Variants in ANKRD44 observed in about 807,000 individuals in gnomAD.
ANKRD44 encodes ankyrin repeat domain 44, also known as serine/threonine-protein phosphatase 6 regulatory ankyrin repeat subunit B.
ANKRD44 carries 35 observed loss-of-function variants against 116.0 expected under a neutral mutation model. The ratio of observed to expected loss-of-function variants is 0.30; its 90% CI spans 0.23 to 0.40. The LOEUF (loss-of-function observed/expected upper bound fraction) is 0.40, where lower values mean the gene tolerates loss of function less well. Ranked by LOEUF, ANKRD44 falls within the 10% of genes least tolerant of loss-of-function variation. The probability of loss-of-function intolerance (pLI) is 1.00; values close to 1 mark genes in which losing one functional copy is unlikely to be tolerated. For missense variants in ANKRD44, 1,014 were observed against 1,242.6 expected, an observed-to-expected ratio of 0.82 and a Z score of 2.77; for synonymous variants, 435 against 461.8, an observed-to-expected ratio of 0.94 and a Z score of 0.74.
intron 10 of ANKRD44, among the ~76,000 whole-genome samples, chr2:197,094,573 T>C (rs1464411497): frequency 1.3e-5 from 2 of 152,234 alleles, no homozygotes; most frequent in East Asian, 1.9e-4. Flanking sequence ...TCGGTTAACA[T>C]TTCTGTTATC....
chr2:197,281,779 A>G (rs2105831640), intron 1 of ANKRD44, among the ~76,000 whole-genome samples: 1 of 152,324 alleles, frequency 6.6e-6, no homozygotes, highest in South Asian at 2.1e-4. Flanking sequence ...ATCCTCCCAG[A>G]AATTTAAAAC....
At chr2:197,219,178 T>C (rs2081526766) in intron 1 of ANKRD44, among the ~76,000 whole-genome samples, 1 of 151,754 alleles carries the variant, frequency 6.6e-6, no homozygotes, top group African/African-American at 2.4e-5. Flanking sequence ...CAAGCGATTC[T>C]TCTGCCTCAG....
At chr2:197,268,597 C>T (rs954491705) in intron 1 of ANKRD44, among the ~76,000 whole-genome samples, 1 of 152,154 alleles carries the variant, frequency 6.6e-6, no homozygotes, top group African/African-American at 2.4e-5. Flanking sequence ...GACAGAGATG[C>T]GATTCACTCT....
intron 10 of ANKRD44, among the ~76,000 whole-genome samples, chr2:197,091,316 C>A (rs2078038343): frequency 6.6e-6 from 1 of 152,226 alleles, no homozygotes; most frequent in Admixed American, 6.5e-5. Flanking sequence ...TTTGCTCAGG[C>A]GTTCCTTCCA....
chr2:197,258,176 T>C (rs2697287), intron 1 of ANKRD44, among the ~76,000 whole-genome samples: 125,762 of 151,632 alleles, frequency 0.83, 52,287 homozygotes, highest in South Asian at 0.89. Context: ...GATCTTGGCT[T>C]CCTGCAACCA....
At chr2:197,248,255 T>G (rs761880165) in intron 1 of ANKRD44, among the ~76,000 whole-genome samples, 2 of 151,818 alleles carry the variant, frequency 1.3e-5, no homozygotes, top group African/African-American at 2.4e-5. Flanking sequence ...ATAAGGTCGG[T>G]GAGACTCATC....
intron 4 of ANKRD44, chr2:197,134,014 C>T (rs12471109): frequency 0.65 from 91,530 of 140,716 alleles, 32,383 homozygotes; most frequent in East Asian, 0.95. Context: ...AGTGCAATGG[C>T]GTGATCTTGG....
chr2:197,125,972 G>A lies in ANKRD44; in HGVS notation c.327C>T (p.Thr109=). The change falls in exon 5 of 28, where the codon ACC becomes ACT. Residue 109 remains threonine, a synonymous_variant. Coordinates refer to ENST00000282272, the MANE Select transcript of ANKRD44 (RefSeq NM_001195144.2). ...TGTTGGCTGCTGCCACATGAAGAGG[G>A]GTCTGCCAGTTCTTGTCCCTTGCAT... is the stretch of plus-strand genomic sequence containing the variant. The part of the protein sequence containing the change: ...DVNARDKNWQ[T]PLHVAAANKA... 1.2e-6 allele frequency: 2 copies of A among 1,614,122 alleles called. No homozygotes were observed. Among genetic ancestry groups the A allele is most frequent in the Non-Finnish European group, 8.5e-7 (1 of 1,180,026 alleles).
At chr2:197,234,532 G>T (rs2081938492) in intron 1 of ANKRD44, among the ~76,000 whole-genome samples, 1 of 152,070 alleles carries the variant, frequency 6.6e-6, no homozygotes, top group Non-Finnish European at 1.5e-5. Context: ...TAAATAATTG[G>T]GATCATGCTT....
rs959522291 is a variant in ANKRD44, at chr2:196,987,236, T to C, written c.*2355A>G. The C allele has an allele frequency of 1.3e-5, 13 of 985,264 alleles. No individual in the cohort carries two copies. Among genetic ancestry groups the C allele is most frequent in the Non-Finnish European group, 1.4e-5 (12 of 829,816 alleles). 61.0% of individuals were successfully genotyped at this position (985,264 alleles called of 1,614,324 possible). ...GCACTGCAAAATCAAACAATTCCTATAGAAAACTTAAGCATTTTCATATTC... is the reference window on the plus strand; with the variant it reads ...GCACTGCAAAATCAAACAATTCCTACAGAAAACTTAAGCATTTTCATATTC... On this transcript the variant is annotated 3_prime_UTR_variant, in exon 28 of 28. Transcript: ENST00000282272.
At chr2:197,253,208 T>C (rs1177915198) in intron 1 of ANKRD44, among the ~76,000 whole-genome samples, 2 of 152,204 alleles carry the variant, frequency 1.3e-5, no homozygotes, top group African/African-American at 2.4e-5. Flanking sequence ...GAGGAAATGA[T>C]TTTTATACTT....
rs116775039 is a variant in ANKRD44, at chr2:196,989,562, A to G, written c.*29T>C. Reference sequence around the variant, plus strand: ...TACACACGCACACATATATGTGTGCATGTGTATGTGCATAATTTTTAAAGA... The same window carrying G: ...TACACACGCACACATATATGTGTGCGTGTGTATGTGCATAATTTTTAAAGA... On this transcript the variant is annotated 3_prime_UTR_variant, in exon 28 of 28. Coordinates refer to ENST00000282272, the MANE Select transcript of ANKRD44 (RefSeq NM_001195144.2). 686 of 1,547,000 alleles carry G rather than the reference A, an allele frequency of 4.4e-4. 5 individuals carry two copies. The African/African-American group carries it at 7.7e-3, about 17-fold the overall frequency.
At position 196,988,854 on chromosome 2, in the gene ANKRD44, G is replaced by A; in HGVS notation, c.*737C>T. 1 of 985,430 alleles carries A rather than the reference G, an allele frequency of 1.0e-6. No individual in the cohort carries two copies. The highest frequency in any genetic ancestry group is 1.2e-6 in the Non-Finnish European group (1 of 829,932). The allele number at this position is 985,430 out of a possible 1,614,324, so 61.0% of individuals were successfully genotyped here. On this transcript the variant is annotated 3_prime_UTR_variant, in exon 28 of 28. Transcript: ENST00000282272. ...TCATCAGGTTACTGAGACTATGTGA[G>A]CTTTTCAGTGTACTTAGGGTAATTT...
At chr2:197,027,977 C>A (rs2076629726) in intron 16 of ANKRD44, among the ~76,000 whole-genome samples, 1 of 152,060 alleles carries the variant, frequency 6.6e-6, no homozygotes, top group African/African-American at 2.4e-5. Context: ...CAGGCATGAG[C>A]CACCGTGCCC....
intron 16 of ANKRD44, among the ~76,000 whole-genome samples, chr2:197,069,159 G>T (rs1258420282): frequency 6.6e-6 from 1 of 152,146 alleles, no homozygotes; most frequent in African/African-American, 2.4e-5. Flanking sequence ...GGACATGGAT[G>T]AAGCTGGAAA....
At position 197,241,962 on chromosome 2, in the gene ANKRD44, A is replaced by T. The variant is rs1528409; in HGVS notation, c.28-54856T>A. Among the ~76,000 whole-genome samples the T allele has an allele frequency of 6.4e-3, 971 of 152,266 alleles. 23 individuals carry two copies. The highest frequency in any genetic ancestry group is 0.044 in the Admixed American group (669 of 15,290). Reference sequence around the variant, plus strand: ...CTGTGCTTTTCTTCCCAAACCATTTAAAAAAATCTCCCTTTAGGTTTAATG... The same window carrying T: ...CTGTGCTTTTCTTCCCAAACCATTTTAAAAAATCTCCCTTTAGGTTTAATG... On this transcript the variant is annotated intron_variant, in intron 1 of 27. Transcript: ENST00000282272.
In ANKRD44 at chr2:196,988,114, A is replaced by G; in HGVS notation, c.*1477T>C. 5 of 985,382 alleles carry G rather than the reference A, an allele frequency of 5.1e-6. No individual in the cohort carries two copies. Among genetic ancestry groups the G allele is most frequent in the Non-Finnish European group, 6.0e-6 (5 of 829,902 alleles). 61.0% of individuals were successfully genotyped at this position (985,382 alleles called of 1,614,324 possible). A position where few individuals can be genotyped will look rare whatever the true frequency, so the allele number is the denominator to read the frequency against. ...CGCAGCTCCATGGAGATAACGTCTC[A>G]TGGTGAGTCACTGCTTTGCTGAAAT... is the stretch of plus-strand genomic sequence containing the variant. On this transcript the variant is annotated 3_prime_UTR_variant, in exon 28 of 28. Coordinates refer to ENST00000282272, the MANE Select transcript of ANKRD44 (RefSeq NM_001195144.2).
intron 16 of ANKRD44, among the ~76,000 whole-genome samples, chr2:197,069,505 G>T (rs1444229582): frequency 1.3e-5 from 2 of 152,062 alleles, no homozygotes; most frequent in Non-Finnish European, 2.9e-5. Flanking sequence ...TTAAAAATCA[G>T]TTGGGCATAT....
At chr2:197,150,622 AT>A (rs201902272) in intron 2 of ANKRD44, among the ~76,000 whole-genome samples, 5,569 of 152,258 alleles carry the variant, frequency 0.037, 348 homozygotes, top group African/African-American at 0.13. Context: ...TTCTACTATG[AT>A]CCCTAAGAAA....
Sources: allele counts gnomAD v4.1 joint callset (sites outside exome capture counted in the v4.1 genomes callset), GRCh38; gene constraint gnomAD v4.1.1; transcripts MANE v1.5; gene names NCBI Gene and HGNC (gene_info 2026-07-23, HGNC 2026-07-21).